The following UNC79 variants were observed in gnomAD, a reference collection of about 807,000 sequenced individuals.
UNC79 encodes unc-79 subunit of NALCN channel complex.
Under a neutral mutation model 283.1 loss-of-function variants are expected in UNC79, and 37 were observed. The observed-to-expected ratio is 0.13, with a 90% CI of 0.10 to 0.17. The LOEUF (loss-of-function observed/expected upper bound fraction) is 0.17, where lower values mean the gene tolerates loss of function less well. Among genes scored for constraint, UNC79 ranks in the 10% least tolerant of loss-of-function variants. The pLI, the probability that UNC79 is intolerant of heterozygous loss-of-function variation, is 1.00. For missense variants in UNC79, 2,272 were observed against 3,211.1 expected, an observed-to-expected ratio of 0.71 and a Z score of 7.07; for synonymous variants, 1,107 against 1,200.2, an observed-to-expected ratio of 0.92 and a Z score of 1.61.
At chr14:93,579,182 G>A (rs2063639553) in intron 18 of UNC79, among the ~76,000 whole-genome samples, 1 of 152,128 alleles carries the variant, frequency 6.6e-6, no homozygotes, top group African/African-American at 2.4e-5. Context: ...ATGTCAGCAG[G>A]CGTAAGATAT....
At chr14:93,677,460 A>C (rs1228322058) in intron 41 of UNC79, among the ~76,000 whole-genome samples, 5 of 152,158 alleles carry the variant, frequency 3.3e-5, no homozygotes, top group Non-Finnish European at 7.3e-5. Context: ...CCCATTTATA[A>C]AACCATCAGA....
intron 5 of UNC79, among the ~76,000 whole-genome samples, chr14:93,494,381 A>G (rs1326549528): frequency 6.6e-6 from 1 of 152,172 alleles, no homozygotes; most frequent in Non-Finnish European, 1.5e-5. Context: ...TGCAAACTGT[A>G]ACAGTGGTTC....
At chr14:93,633,896 G>A (rs1201166357) in intron 31 of UNC79, among the ~76,000 whole-genome samples, 1 of 152,176 alleles carries the variant, frequency 6.6e-6, no homozygotes, top group Non-Finnish European at 1.5e-5. Context: ...TTTTCAAACA[G>A]TAGGCAGAGG....
intron 11 of UNC79, among the ~76,000 whole-genome samples, chr14:93,534,814 C>T (rs1261770393): frequency 6.6e-6 from 1 of 152,210 alleles, no homozygotes; most frequent in African/African-American, 2.4e-5. Flanking sequence ...TAACACTTCC[C>T]TCTTTATATG....
chr14:93,629,966 G>C (rs2067891354), intron 30 of UNC79, among the ~76,000 whole-genome samples: 1 of 152,146 alleles, frequency 6.6e-6, no homozygotes, highest in South Asian at 2.1e-4. Flanking sequence ...CTTTTCAGCA[G>C]GTTTTGAAAA....
chr14:93,377,482 G>T (rs138892910), intron 1 of UNC79, among the ~76,000 whole-genome samples: 22 of 152,216 alleles, frequency 1.4e-4, no homozygotes, highest in Non-Finnish European at 2.5e-4. Flanking sequence ...GAAAAGTATA[G>T]GAGAGAAGGC....
intron 8 of UNC79, among the ~76,000 whole-genome samples, chr14:93,527,403 C>A (rs2060594958): frequency 6.6e-6 from 1 of 152,182 alleles, no homozygotes; most frequent in African/African-American, 2.4e-5. Flanking sequence ...AAAAAGTTTG[C>A]CAATCTCTGA....
At chr14:93,559,821 T>G (rs1235791790) in intron 14 of UNC79, among the ~76,000 whole-genome samples, 1 of 152,150 alleles carries the variant, frequency 6.6e-6, no homozygotes, top group African/African-American at 2.4e-5. Flanking sequence ...TGGCTTAGCT[T>G]GGGCTCAGAG....
At chr14:93,333,460 A>C in exon 1 of UNC79, 1 of 398,646 alleles carries the variant, frequency 2.5e-6, no homozygotes, top group Non-Finnish European at 4.4e-6. Flanking sequence ...TCTTCCGCGG[A>C]AAGTCATTGC....
Position 93,474,293 on chromosome 14 carries a change from T to G in UNC79, c.348T>G (p.Asp116Glu). The G allele has an allele frequency of 6.5e-7, 1 of 1,536,090 alleles. No individual in the cohort carries two copies. The highest frequency in any genetic ancestry group is 8.7e-7 in the Non-Finnish European group (1 of 1,146,866). The change falls in exon 3 of 49, where the codon GAT (aspartate) becomes GAG (glutamate). Residue 116 changes from aspartate (D) to glutamate (E), a missense_variant. This residue lies in a region of UNC79 where 194 missense variants were observed against 268.9 expected (regional missense o/e 0.72). Coordinates refer to ENST00000555664, the Ensembl canonical transcript of UNC79. The surrounding 1 kb of genome is among the most constrained non-coding windows in gnomAD (Gnocchi z 4.1). ...CAGAACGCGGCCCGCAAAGTCGTGATGCTCAGTTGTCAGACTACCCTTCTT... is the reference window on the plus strand; with the variant it reads ...CAGAACGCGGCCCGCAAAGTCGTGAGGCTCAGTTGTCAGACTACCCTTCTT...
intron 1 of UNC79, among the ~76,000 whole-genome samples, chr14:93,377,148 G>T (rs1352640887): frequency 6.7e-6 from 1 of 148,990 alleles, no homozygotes; most frequent in Admixed American, 6.7e-5. Context: ...ACCCAGGCTG[G>T]AGTGCAGTGG....
chr14:93,511,438 T>C (rs2059818826), intron 7 of UNC79, among the ~76,000 whole-genome samples: 2 of 152,084 alleles, frequency 1.3e-5, no homozygotes, highest in Admixed American at 1.3e-4. Flanking sequence ...ATAGTTTTTA[T>C]TTTTTATATT....
intron 1 of UNC79, among the ~76,000 whole-genome samples, chr14:93,399,785 G>A (rs1287357339): frequency 1.3e-5 from 2 of 152,102 alleles, no homozygotes; most frequent in African/African-American, 4.8e-5. Flanking sequence ...GATGTTAGTT[G>A]GGGCTCTTCC....
At chr14:93,639,629 G>C (rs765447962) in intron 32 of UNC79, among the ~76,000 whole-genome samples, 4 of 152,232 alleles carry the variant, frequency 2.6e-5, no homozygotes, top group Non-Finnish European at 4.4e-5. Flanking sequence ...GGGAGCTTAG[G>C]AAGTGACATA....
chr14:93,451,010 GT>G (rs1272280368), intron 1 of UNC79, among the ~76,000 whole-genome samples: 1 of 151,662 alleles, frequency 6.6e-6, no homozygotes, highest in Non-Finnish European at 1.5e-5. Context: ...CTGGGATTAT[GT>G]TTTTTATCTA....
At chr14:93,700,073 G>GTT (rs35612423) in intron 47 of UNC79, among the ~76,000 whole-genome samples, 172 of 140,698 alleles carry the variant, frequency 1.2e-3, no homozygotes, top group Middle Eastern at 3.6e-3. Context: ...GGTTTCGGAG[G>GTT]TTTTTTTTTT....
At chr14:93,386,711 A>G in intron 1 of UNC79, among the ~76,000 whole-genome samples, 1 of 151,968 alleles carries the variant, frequency 6.6e-6, no homozygotes, top group Admixed American at 6.6e-5. Flanking sequence ...TGTGTCTGGG[A>G]ATTTATCCAT....
intron 1 of UNC79, among the ~76,000 whole-genome samples, chr14:93,391,614 A>C: frequency 6.6e-6 from 1 of 152,152 alleles, no homozygotes; most frequent in Non-Finnish European, 1.5e-5. Context: ...TCTTTTTTTG[A>C]GACAGAGTCT....
At chr14:93,514,717 G>T (rs943023843) in intron 7 of UNC79, among the ~76,000 whole-genome samples, 2 of 152,098 alleles carry the variant, frequency 1.3e-5, no homozygotes, top group Admixed American at 6.5e-5. Flanking sequence ...CACCAAAAAC[G>T]CTGATTTCTT....
Sources: gnomAD v4.1 joint callset for allele counts (sites outside exome capture counted in the v4.1 genomes callset) on GRCh38, gnomAD v4.1.1 for gene constraint, gnomAD v4.1.1 regional missense constraint, Gnocchi (gnomAD v3.1) non-coding constraint, MANE v1.5 for transcripts, NCBI Gene and HGNC (gene_info 2026-07-23, HGNC 2026-07-21) for gene names.